The following IFTAP variants were observed in gnomAD, a reference collection of about 807,000 sequenced individuals.
IFTAP encodes the protein intraflagellar transport-associated protein.
Under a neutral mutation model 19.4 loss-of-function variants are expected in IFTAP, and 19 were observed. The observed-to-expected ratio is 0.98, with a 90% CI of 0.68 to 1.44. The LOEUF (loss-of-function observed/expected upper bound fraction) is 1.44. Ranked by LOEUF, IFTAP falls within the 40% of genes most tolerant of loss-of-function variation. IFTAP has a pLI of 0.00. For missense variants in IFTAP, 240 were observed against 253.6 expected (o/e 0.95, Z 0.36); for synonymous variants, 85 against 83.5 (o/e 1.02, Z -0.10).
chr11:36,617,107 A>C (rs920495154), intron 2 of IFTAP, among the ~76,000 whole-genome samples: 1 of 150,872 alleles, frequency 6.6e-6, no homozygotes, highest in Non-Finnish European at 1.5e-5. Flanking sequence ...TTTTATATTG[A>C]CTATATTTGA....
In IFTAP at chr11:36,659,156, C is replaced by A; in HGVS notation, c.636C>A (p.Thr212=). The part of the protein sequence containing the change: ...ELCKQQKRKD[T]SPDLEKSCD ...GCAAGCAGCAGAAGAGAAAGGACAC[C>A]AGCCCAGACTTAGAGAAATCCTGTG... is the stretch of plus-strand genomic sequence containing the variant. Residue 212 remains threonine, a synonymous_variant, in exon 6 of 6, where the codon ACC becomes ACA. Coordinates refer to ENST00000334307, the MANE Select transcript of IFTAP (RefSeq NM_138787.4). 1 of 1,598,298 alleles carries A rather than the reference C, an allele frequency of 6.3e-7. No individual in the cohort carries two copies. Among genetic ancestry groups the A allele is most frequent in the Non-Finnish European group, 8.5e-7 (1 of 1,173,708 alleles).
At chr11:36,610,390 G>T (rs760796969) in intron 2 of IFTAP, 151 bp downstream of exon 2, 69 of 688,466 alleles carry the variant, frequency 1.0e-4, no homozygotes, top group Non-Finnish European at 1.6e-4. Context: ...CGTGACTGAT[G>T]CCCTAATGTT....
At chr11:36,608,157 GA>G (rs1173307416) in intron 1 of IFTAP, among the ~76,000 whole-genome samples, 5 of 152,038 alleles carry the variant, frequency 3.3e-5, no homozygotes, top group African/African-American at 1.2e-4. Flanking sequence ...TCCATTTTTA[GA>G]AAAAATCTAT....
At chr11:36,601,734 G>C (rs1851517125) in intron 1 of IFTAP, among the ~76,000 whole-genome samples, 1 of 151,920 alleles carries the variant, frequency 6.6e-6, no homozygotes, top group African/African-American at 2.4e-5. Context: ...GCTCAACTCA[G>C]CCACCACCTT....
At chr11:36,630,170 G>A (rs1217047113) in intron 2 of IFTAP, among the ~76,000 whole-genome samples, 2 of 151,342 alleles carry the variant, frequency 1.3e-5, no homozygotes, top group African/African-American at 4.9e-5. Flanking sequence ...ATTCTGGGCT[G>A]TGCCAGCATC....
intron 1 of IFTAP, among the ~76,000 whole-genome samples, chr11:36,596,839 G>T (rs2422296): frequency 0.15 from 23,168 of 152,206 alleles, 2,520 homozygotes; most frequent in African/African-American, 0.31. Flanking sequence ...TGTAGGAATT[G>T]TGGCTTCTCG....
chr11:36,648,079 C>T lies in IFTAP; in HGVS notation c.422C>T (p.Pro141Leu), dbSNP rs750015967. ...AGCACCAGCATTCCTTCCTGTATCC[C>T]TTTTGTGGCCCAGCCTCCTACCTGT... ...DVSTSIPSCI[P>L]FVAQPPTCEV... The change falls in exon 5 of 6, where the codon CCT becomes CTT. Residue 141 changes from proline (P) to leucine (L), a missense_variant. By Grantham distance (98) the Pro-to-Leu change is moderately conservative. Transcript: ENST00000334307. 3 of 1,613,448 alleles carry T rather than the reference C, an allele frequency of 1.9e-6. No individual in the cohort carries two copies. Among genetic ancestry groups the T allele is most frequent in the South Asian group, 2.2e-5 (2 of 91,030 alleles).
rs573076458 is a variant in IFTAP, at chr11:36,642,150, C to T, written c.359-5866C>T. On this transcript the variant is annotated intron_variant, in intron 4 of 5. Coordinates refer to ENST00000334307, the MANE Select transcript of IFTAP (RefSeq NM_138787.4). Reference sequence around the variant, plus strand: ...AGAAAAGAGAGAAGAATCAAATAGACGCAATAAAAAATGATAAAGGGGATA... The same window carrying T: ...AGAAAAGAGAGAAGAATCAAATAGATGCAATAAAAAATGATAAAGGGGATA... Among the ~76,000 whole-genome samples the T allele has an allele frequency of 1.2e-4, 18 of 151,936 alleles. No homozygotes were observed. In the East Asian group the frequency reaches 1.9e-3, roughly 16 times the overall value.
chr11:36,609,072 T>C (rs944622997), intron 1 of IFTAP, among the ~76,000 whole-genome samples: 1 of 152,152 alleles, frequency 6.6e-6, no homozygotes, highest in Non-Finnish European at 1.5e-5. Context: ...CTGAGTCTAG[T>C]AGAGAACACA....
At chr11:36,639,913 A>T (rs1013049934) in intron 4 of IFTAP, among the ~76,000 whole-genome samples, 2 of 152,186 alleles carry the variant, frequency 1.3e-5, no homozygotes, top group Admixed American at 6.5e-5. Flanking sequence ...AAAAAAGTTC[A>T]TTCCTAATTT....
chr11:36,655,117 CT>C (rs1853919585), intron 5 of IFTAP, among the ~76,000 whole-genome samples: 1 of 152,144 alleles, frequency 6.6e-6, no homozygotes, highest in South Asian at 2.1e-4. Flanking sequence ...TTTTCATCAT[CT>C]CTAGGATGAT....
chr11:36,644,197 C>T (rs893542534), intron 4 of IFTAP, among the ~76,000 whole-genome samples: 2 of 152,102 alleles, frequency 1.3e-5, no homozygotes, highest in Admixed American at 1.3e-4. Context: ...AGGATATGAA[C>T]AGACACTTCT....
At chr11:36,612,133 T>C (rs1278765562) in intron 2 of IFTAP, among the ~76,000 whole-genome samples, 1 of 152,094 alleles carries the variant, frequency 6.6e-6, no homozygotes, top group African/African-American at 2.4e-5. Context: ...TTATTCTGTT[T>C]TCGAATTCCA....
intron 5 of IFTAP, among the ~76,000 whole-genome samples, chr11:36,655,139 AT>A (rs1853920314): frequency 6.6e-6 from 1 of 152,088 alleles, no homozygotes; most frequent in African/African-American, 2.4e-5. Flanking sequence ...TTGGCACCAT[AT>A]TTGTCTCTTG....
rs190056390 is a variant in IFTAP, at chr11:36,639,569, A to G, written c.358+3452A>G. 5.8e-4 allele frequency among the ~76,000 whole-genome samples: 88 copies of G among 152,344 alleles called. No individual in the cohort carries two copies. The South Asian group carries it at 0.015, about 27-fold the overall frequency. On this transcript the variant is annotated intron_variant, in intron 4 of 5. Coordinates refer to ENST00000334307, the MANE Select transcript of IFTAP (RefSeq NM_138787.4). The stretch of plus-strand genomic sequence containing the variant: ...TCTGGGGAAGCCAAAGGGGAACCAC[A>G]TGTGCAGAAACTGCATGACGAGAGA...
At chr11:36,630,219 T>C (rs1565019685) in intron 2 of IFTAP, among the ~76,000 whole-genome samples, 1 of 151,382 alleles carries the variant, frequency 6.6e-6, no homozygotes, top group East Asian at 1.9e-4. Context: ...ATAACTTTTT[T>C]CCCTATCTCA....
In IFTAP at chr11:36,637,920, G is replaced by T. The variant is rs183750968; in HGVS notation, c.358+1803G>T. 1.8e-3 allele frequency among the ~76,000 whole-genome samples: 266 copies of T among 149,092 alleles called. 3 individuals carry two copies. The highest frequency in any genetic ancestry group is 6.1e-3 in the African/African-American group (246 of 40,044). On this transcript the variant is annotated intron_variant, in intron 4 of 5. Transcript: ENST00000334307. Reference sequence around the variant, plus strand: ...TTTTGAGATGGAGTCTCACTCTGTCGCCCAGGCTGGAGTGCAATGGCATGA... The same window carrying T: ...TTTTGAGATGGAGTCTCACTCTGTCTCCCAGGCTGGAGTGCAATGGCATGA...
intron 2 of IFTAP, among the ~76,000 whole-genome samples, chr11:36,620,616 T>A (rs1318654299): frequency 6.6e-6 from 1 of 151,998 alleles, no homozygotes; most frequent in Admixed American, 6.6e-5. Context: ...TCATAGATAA[T>A]CATTTGTTTT....
chr11:36,651,264 G>A lies in IFTAP; in HGVS notation c.498+3109G>A, dbSNP rs1183032501. Among the ~76,000 whole-genome samples the A allele has an allele frequency of 2.0e-5, 3 of 152,098 alleles. No homozygotes were observed. The East Asian group carries it at 5.8e-4, about 29-fold the overall frequency. ...ATCACCATTCTAACTGGTGTGAGAT[G>A]GTATCTCATTGTGGTTTTGATTTGC... On this transcript the variant is annotated intron_variant, in intron 5 of 5. Coordinates refer to ENST00000334307, the MANE Select transcript of IFTAP (RefSeq NM_138787.4).
Sources: allele counts gnomAD v4.1 joint callset (sites outside exome capture counted in the v4.1 genomes callset), GRCh38; gene constraint gnomAD v4.1.1; transcripts MANE v1.5; gene names NCBI Gene and HGNC (gene_info 2026-07-23, HGNC 2026-07-21).